MYOM3: variants seen among roughly 807,000 people sequenced by gnomAD.
MYOM3 encodes myomesin 3.
In MYOM3, 155 loss-of-function variants were observed where a neutral mutation model predicts 191.7. That is an observed-to-expected ratio of 0.81 (90% CI 0.71 to 0.92). MYOM3 has a LOEUF of 0.92. Among genes scored for constraint, MYOM3 ranks in the 40% least tolerant of loss-of-function variants. The pLI is 0.00. For synonymous variants in MYOM3, 757 were observed against 762.9 expected (o/e 0.99, Z 0.13); for missense variants, 1,889 against 1,890.6 (o/e 1.00, Z 0.02).
chr1:24,057,994 AT>A (rs1557598548), intron 36 of MYOM3, among the ~76,000 whole-genome samples: 1 of 151,960 alleles, frequency 6.6e-6, no homozygotes, highest in Non-Finnish European at 1.5e-5. Context: ...TTTAGTAGAG[AT>A]GGGGTTTTGC....
chr1:24,084,379 A>T (rs764240270), intron 16 of MYOM3, 89 bp downstream of exon 16: 1 of 1,456,160 alleles, frequency 6.9e-7, no homozygotes, highest in Non-Finnish European at 9.6e-7. Context: ...AGCTGATTAA[A>T]CCTCTTTTCT....
chr1:24,107,705 GC>G (rs1488281399), intron 3 of MYOM3, among the ~76,000 whole-genome samples: 3 of 152,116 alleles, frequency 2.0e-5, no homozygotes, highest in Admixed American at 6.5e-5. Context: ...CCCATTCTTA[GC>G]CCCCTCCCCC....
At chr1:24,065,725 T>G (rs1643425755) in intron 29 of MYOM3, 166 bp downstream of exon 29, 1 of 679,474 alleles carries the variant, frequency 1.5e-6, no homozygotes, top group Non-Finnish European at 2.7e-6. Context: ...ACAATATTAT[T>G]TATCTTGATT....
chr1:24,079,092 C>T (rs1643636544), intron 20 of MYOM3, among the ~76,000 whole-genome samples: 1 of 152,152 alleles, frequency 6.6e-6, no homozygotes, highest in African/African-American at 2.4e-5. Flanking sequence ...TAACATGTTA[C>T]ATATATTATA....
intron 36 of MYOM3, among the ~76,000 whole-genome samples, chr1:24,057,951 T>C (rs1643323132): frequency 6.6e-6 from 1 of 152,036 alleles, no homozygotes; most frequent in African/African-American, 2.4e-5. Flanking sequence ...GGGTTACAGG[T>C]GCCCGCCACC....
chr1:24,079,136 C>T (rs185204838), intron 20 of MYOM3, among the ~76,000 whole-genome samples: 33 of 152,194 alleles, frequency 2.2e-4, no homozygotes, highest in African/African-American at 7.0e-4. Flanking sequence ...ACTCTGTATT[C>T]TGCTTTGTTT....
chr1:24,107,293 C>T (rs749524461), intron 3 of MYOM3, 61 bp from the exon 4 acceptor site: 9 of 1,442,610 alleles, frequency 6.2e-6, no homozygotes, highest in Non-Finnish European at 7.5e-6. Context: ...GGCATCCTGG[C>T]CAGTTCCATT....
At chr1:24,101,375 A>C (rs769350834) in intron 5 of MYOM3, among the ~76,000 whole-genome samples, 7 of 152,210 alleles carry the variant, frequency 4.6e-5, no homozygotes, top group African/African-American at 1.2e-4. Context: ...GCTGCATCCC[A>C]AATCAATGAA....
intron 10 of MYOM3, 116 bp downstream of exon 10, chr1:24,092,831 A>C: frequency 2.1e-5 from 22 of 1,034,986 alleles, no homozygotes; most frequent in Non-Finnish European, 2.9e-5. Flanking sequence ...ATTTTATGGT[A>C]GAGAAATTGA....
chr1:24,085,318 A>ATGGG (rs1643726054), intron 15 of MYOM3, among the ~76,000 whole-genome samples: 1 of 149,286 alleles, frequency 6.7e-6, no homozygotes, highest in Non-Finnish European at 1.5e-5. Flanking sequence ...GGATGGATGG[A>ATGGG]TGGACAGGTG....
In MYOM3 at chr1:24,057,572, A is replaced by G. The variant is rs1222867791; in HGVS notation, c.4106T>C (p.Leu1369Pro). ...GAAGGTGACAGGCTGGTCATTCTTC[A>G]GCCAAGAGATTTCAGGGGTGGGGTC... ...SGDPTPEISW[L>P]KNDQPVTFLD... is the part of the protein sequence containing the mutation. The change falls in exon 37 of 37, where the codon CTG becomes CCG. Residue 1369 changes from leucine to proline, a missense_variant. By Grantham distance (98) the Leu-to-Pro change is moderately conservative. Coordinates refer to ENST00000374434, the MANE Select transcript of MYOM3 (RefSeq NM_152372.4). The G allele has an allele frequency of 6.2e-7, 1 of 1,614,032 alleles. No homozygotes were observed. The highest frequency in any genetic ancestry group is 8.5e-7 in the Non-Finnish European group (1 of 1,180,012).
Position 24,056,647 on chromosome 1 carries a change from G to T in MYOM3, c.*717C>A, listed in dbSNP as rs1449801751. Reference sequence around the variant, plus strand: ...GCCTCCCAAACTACTGGGATTACAGGCGTGAGCCACCTCGCCCAGCCTGGA... The same window carrying T: ...GCCTCCCAAACTACTGGGATTACAGTCGTGAGCCACCTCGCCCAGCCTGGA... On this transcript the variant is annotated 3_prime_UTR_variant, in exon 37 of 37. Transcript: ENST00000374434. 6.6e-6 allele frequency: 1 copy of T among 152,442 alleles called. No homozygotes were observed. The highest frequency in any genetic ancestry group is 6.5e-5 in the Admixed American group (1 of 15,274). The allele number at this position is 152,442 out of a possible 1,614,324, so 9.4% of individuals were successfully genotyped here. A position where few individuals can be genotyped will look rare whatever the true frequency, so the allele number is the denominator to read the frequency against.
Position 24,063,602 on chromosome 1 carries a change from C to G in MYOM3, c.3623-72G>C. The G allele has an allele frequency of 1.3e-6, 2 of 1,579,194 alleles. No individual in the cohort carries two copies. Among genetic ancestry groups the G allele is most frequent in the Non-Finnish European group, 1.7e-6 (2 of 1,150,434 alleles). ...GGGATGTGCTAGGAGTGGGGACATC[C>G]TAGAAAAAGGCTGGTGGAGCCCGTG... is the stretch of plus-strand genomic sequence containing the variant. On this transcript the variant is annotated intron_variant, in intron 30 of 36. Transcript: ENST00000374434. The surrounding 1 kb of genome is among the most constrained non-coding windows in gnomAD (Gnocchi z 4.5).
At chr1:24,082,795 AT>A in intron 16 of MYOM3, 81 bp from the exon 17 acceptor site, 1 of 1,467,054 alleles carries the variant, frequency 6.8e-7, no homozygotes, top group South Asian at 1.4e-5. Flanking sequence ...ACTTTGTGGA[AT>A]AAGTGGTCAC....
chr1:24,063,375 C>CG lies in MYOM3; in HGVS notation c.3661+116dup. 1 of 1,426,560 alleles carries CG rather than the reference C, an allele frequency of 7.0e-7. No homozygotes were observed. Among genetic ancestry groups the CG allele is most frequent in the Non-Finnish European group, 9.9e-7 (1 of 1,013,048 alleles). The allele number at this position is 1,426,560 out of a possible 1,614,324, so 88.4% of individuals were successfully genotyped here. A position where few individuals can be genotyped will look rare whatever the true frequency, so the allele number is the denominator to read the frequency against. On this transcript the variant is annotated intron_variant, in intron 31 of 36. Coordinates refer to ENST00000374434, the MANE Select transcript of MYOM3 (RefSeq NM_152372.4). The surrounding 1 kb of genome is among the most constrained non-coding windows in gnomAD (Gnocchi z 4.5). ...CTGTGAAGAGGCGGGATTTTCTCTT[C>CG]GGTGTTTGAGGTTAGAAACTAAACC... is the stretch of plus-strand genomic sequence containing the variant.
intron 4 of MYOM3, among the ~76,000 whole-genome samples, 178 bp from the exon 5 acceptor site, chr1:24,106,255 C>G (rs987520336): frequency 6.6e-6 from 1 of 152,240 alleles, no homozygotes; most frequent in Non-Finnish European, 1.5e-5. Context: ...GCTTTGGAGC[C>G]AGCTGGCCTG....
intron 5 of MYOM3, among the ~76,000 whole-genome samples, chr1:24,100,066 C>T (rs1409441529): frequency 6.6e-6 from 1 of 151,934 alleles, no homozygotes; most frequent in East Asian, 1.9e-4. Flanking sequence ...ACGGAGTTTC[C>T]CCATGTTGGC....
chr1:24,106,592 T>G lies in MYOM3; in HGVS notation c.402+481A>C, dbSNP rs189753374. 2.6e-3 allele frequency among the ~76,000 whole-genome samples: 398 copies of G among 152,286 alleles called. 1 individual carries two copies. The highest frequency in any genetic ancestry group is 8.8e-3 in the African/African-American group (364 of 41,538). On this transcript the variant is annotated intron_variant, in intron 4 of 36. Transcript: ENST00000374434. ...CTATTTTACTTTATTTTTATTATTA[T>G]TATTTTTTAAGGTGGAGTCTCACTC...
In MYOM3 at chr1:24,056,189, T is replaced by C. The variant is rs1455580636; in HGVS notation, c.*1175A>G. 3.9e-5 allele frequency: 6 copies of C among 152,194 alleles called. No homozygotes were observed. Among genetic ancestry groups the C allele is most frequent in the Admixed American group, 3.9e-4 (6 of 15,270 alleles). 9.4% of individuals were successfully genotyped at this position (152,194 alleles called of 1,614,324 possible). A position where few individuals can be genotyped will look rare whatever the true frequency, so the allele number is the denominator to read the frequency against. ...GGGGGCAGAGAAATGCCCAGCTCAGTACTGAGATCCATCAAGTGAGGCCAG... is the reference window on the plus strand; with the variant it reads ...GGGGGCAGAGAAATGCCCAGCTCAGCACTGAGATCCATCAAGTGAGGCCAG... On this transcript the variant is annotated 3_prime_UTR_variant, in exon 37 of 37. Coordinates refer to ENST00000374434, the MANE Select transcript of MYOM3 (RefSeq NM_152372.4).
Sources: gnomAD v4.1 joint callset for allele counts (sites outside exome capture counted in the v4.1 genomes callset) on GRCh38, gnomAD v4.1.1 for gene constraint, Gnocchi (gnomAD v3.1) non-coding constraint, MANE v1.5 for transcripts, NCBI Gene and HGNC (gene_info 2026-07-23, HGNC 2026-07-21) for gene names.